Variants in UBE2W observed in about 807,000 individuals in gnomAD.
UBE2W encodes ubiquitin-conjugating enzyme E2 W.
UBE2W carries 18 observed loss-of-function variants against 27.2 expected under a neutral mutation model. The observed-to-expected ratio is 0.66, with a 90% CI of 0.46 to 0.98. The LOEUF (loss-of-function observed/expected upper bound fraction) is 0.98, where lower values mean the gene tolerates loss of function less well. Ranked by LOEUF, UBE2W falls within the 50% of genes least tolerant of loss-of-function variation. The probability of loss-of-function intolerance (pLI) is 0.00; values close to 1 mark genes in which losing one functional copy is unlikely to be tolerated. For missense variants in UBE2W, 90 were observed against 180.2 expected (o/e 0.50, Z 2.87); for synonymous variants, 53 against 57.2 (o/e 0.93, Z 0.33).
intron 5 of UBE2W, among the ~76,000 whole-genome samples, 179 bp downstream of exon 5, chr8:73,805,472 C>A (rs12680411): frequency 0.58 from 24,467 of 42,318 alleles, 7,868 homozygotes; most frequent in Middle Eastern, 0.76. Flanking sequence ...AAAAAAAAAA[C>A]AAAAAAAACT....
intron 1 of UBE2W, among the ~76,000 whole-genome samples, chr8:73,874,758 A>G (rs1812147594): frequency 6.6e-6 from 1 of 152,264 alleles, no homozygotes; most frequent in African/African-American, 2.4e-5. Context: ...CAAATATAAC[A>G]TTCTCTTAAT....
intron 1 of UBE2W, among the ~76,000 whole-genome samples, chr8:73,832,320 G>A (rs1249741284): frequency 3.3e-5 from 5 of 151,848 alleles, no homozygotes. Flanking sequence ...ACAAAAATTA[G>A]AAAAATCATA....
intron 1 of UBE2W, among the ~76,000 whole-genome samples, chr8:73,841,923 C>T (rs1455962266): frequency 6.6e-6 from 1 of 152,156 alleles, no homozygotes; most frequent in African/African-American, 2.4e-5. Context: ...AAAAAATTCT[C>T]CCCTGAAATT....
Position 73,790,114 on chromosome 8 carries a change from C to G in UBE2W, c.*3988G>C, listed in dbSNP as rs1463489948. On this transcript the variant is annotated 3_prime_UTR_variant, in exon 6 of 6. Coordinates refer to ENST00000602593, the MANE Select transcript of UBE2W (RefSeq NM_018299.6). Reference sequence around the variant, plus strand: ...TCCATGTATTTTATTTGTAGGAGAGCATTTTAAATTTTTCAAAAATTCATG... The same window carrying G: ...TCCATGTATTTTATTTGTAGGAGAGGATTTTAAATTTTTCAAAAATTCATG... The G allele has an allele frequency of 3.0e-6, 3 of 984,526 alleles. No homozygotes were observed. The African/African-American group carries it at 5.3e-5, about 17-fold the overall frequency. The allele number at this position is 984,526 out of a possible 1,614,324, so 61.0% of individuals were successfully genotyped here.
At chr8:73,845,417 G>C (rs554550501) in intron 1 of UBE2W, among the ~76,000 whole-genome samples, 1 of 152,038 alleles carries the variant, frequency 6.6e-6, no homozygotes, top group Non-Finnish European at 1.5e-5. Flanking sequence ...CCCCAACCCC[G>C]TGCTCTCTGA....
rs1808040820 is a variant in UBE2W at position 73,788,154 on chromosome 8, A to C, written c.*5948T>G. ...CCAATAACAACTGCTTTATTATTAAAAGTTATGAAATTCCATAAAGCAAAG... is the reference window on the plus strand; with the variant it reads ...CCAATAACAACTGCTTTATTATTAACAGTTATGAAATTCCATAAAGCAAAG... On this transcript the variant is annotated 3_prime_UTR_variant, in exon 6 of 6. Coordinates refer to ENST00000602593, the MANE Select transcript of UBE2W (RefSeq NM_018299.6). The C allele has an allele frequency of 1.0e-6, 1 of 978,932 alleles. No homozygotes were observed. Among genetic ancestry groups the C allele is most frequent in the East Asian group, 1.1e-4 (1 of 8,780 alleles). The allele number at this position is 978,932 out of a possible 1,614,324, so 60.6% of individuals were successfully genotyped here.
At position 73,787,913 on chromosome 8, in the gene UBE2W, C is replaced by T; in HGVS notation, c.*6189G>A. ...GGACTTATTAAAACACTAAAACTAG[C>T]TACATATTACATAAAGGTGATGTGT... On this transcript the variant is annotated 3_prime_UTR_variant, in exon 6 of 6. Coordinates refer to ENST00000602593, the MANE Select transcript of UBE2W (RefSeq NM_018299.6). 7 of 985,370 alleles carry T rather than the reference C, an allele frequency of 7.1e-6. No individual in the cohort carries two copies. The highest frequency in any genetic ancestry group is 8.4e-6 in the Non-Finnish European group (7 of 829,914). 61.0% of individuals were successfully genotyped at this position (985,370 alleles called of 1,614,324 possible). A position where few individuals can be genotyped will look rare whatever the true frequency, so the allele number is the denominator to read the frequency against.
chr8:73,854,130 C>T (rs1032927091), intron 1 of UBE2W, among the ~76,000 whole-genome samples: 2 of 151,954 alleles, frequency 1.3e-5, no homozygotes, highest in Admixed American at 1.3e-4. Context: ...GCATGGGTGA[C>T]AGCATGAAAC....
At chr8:73,854,043 G>A (rs1340997303) in intron 1 of UBE2W, among the ~76,000 whole-genome samples, 1 of 152,092 alleles carries the variant, frequency 6.6e-6, no homozygotes, top group Non-Finnish European at 1.5e-5. Flanking sequence ...CAGCTACTCA[G>A]GAGGCTGAGG....
chr8:73,877,457 A>C (rs540736091), intron 1 of UBE2W, among the ~76,000 whole-genome samples: 2 of 152,206 alleles, frequency 1.3e-5, no homozygotes, highest in Non-Finnish European at 2.9e-5. Flanking sequence ...AGAATATTGT[A>C]AGGAAAACAG....
intron 5 of UBE2W, among the ~76,000 whole-genome samples, chr8:73,801,819 A>T (rs1808657563): frequency 1.3e-5 from 2 of 152,234 alleles, no homozygotes. Flanking sequence ...ATAATCTCAG[A>T]AACAATAGTT....
At chr8:73,806,212 G>T (rs1427088246) in intron 4 of UBE2W, among the ~76,000 whole-genome samples, 1 of 152,012 alleles carries the variant, frequency 6.6e-6, no homozygotes, top group Non-Finnish European at 1.5e-5. Context: ...GGACTGATGA[G>T]AAAAGTCAAA....
Position 73,804,293 on chromosome 8 carries a change from A to C in UBE2W, c.442+1358T>G, listed in dbSNP as rs74330777. On this transcript the variant is annotated intron_variant, in intron 5 of 5. Transcript: ENST00000602593. ...AGGTTAACATTAAAAAAAAAAAAAA[A>C]CCCACACACATAAAAAACCCCAAAG... Among the ~76,000 whole-genome samples the C allele has an allele frequency of 3.2e-3, 482 of 150,314 alleles. 3 individuals are homozygous for C. The highest frequency in any genetic ancestry group is 0.01 in the African/African-American group (408 of 40,614).
At chr8:73,802,072 C>CT (rs1448994461) in intron 5 of UBE2W, among the ~76,000 whole-genome samples, 1 of 152,186 alleles carries the variant, frequency 6.6e-6, no homozygotes, top group Non-Finnish European at 1.5e-5. Flanking sequence ...CTGAATATTT[C>CT]ATAAATAAAA....
At chr8:73,811,115 T>C (rs1357031858) in intron 3 of UBE2W, among the ~76,000 whole-genome samples, 1 of 152,142 alleles carries the variant, frequency 6.6e-6, no homozygotes, top group Non-Finnish European at 1.5e-5. Flanking sequence ...GGGAAATGAC[T>C]GTTATATATT....
At chr8:73,836,319 T>C (rs1810306825) in intron 1 of UBE2W, among the ~76,000 whole-genome samples, 2 of 152,124 alleles carry the variant, frequency 1.3e-5, no homozygotes, top group Non-Finnish European at 1.5e-5. Flanking sequence ...TCCCCTGAAA[T>C]AGTGAGAGAG....
intron 5 of UBE2W, among the ~76,000 whole-genome samples, chr8:73,803,267 T>C (rs1412587110): frequency 7.2e-5 from 11 of 152,080 alleles, no homozygotes; most frequent in Non-Finnish European, 1.6e-4. Context: ...ACAAGAAATA[T>C]TTTATGCAGT....
intron 1 of UBE2W, among the ~76,000 whole-genome samples, chr8:73,856,357 A>ATTT (rs34593904): frequency 0.048 from 4,243 of 89,294 alleles, 205 homozygotes; most frequent in Middle Eastern, 0.075. Flanking sequence ...ACACTTATGA[A>ATTT]TTTTTTTTTT....
chr8:73,793,867 T>G lies in UBE2W; in HGVS notation c.*235A>C. 1 of 1,252,718 alleles carries G rather than the reference T, an allele frequency of 8.0e-7. No homozygotes were observed. Among genetic ancestry groups the G allele is most frequent in the Non-Finnish European group, 1.0e-6 (1 of 991,540 alleles). The allele number at this position is 1,252,718 out of a possible 1,614,324, so 77.6% of individuals were successfully genotyped here. ...ATAAAAAATGGAATTATATTTGACA[T>G]TTCCTGACACCTGCATTAATACTGT... On this transcript the variant is annotated 3_prime_UTR_variant, in exon 6 of 6. Coordinates refer to ENST00000602593, the MANE Select transcript of UBE2W (RefSeq NM_018299.6).
Sources: allele counts gnomAD v4.1 joint callset (sites outside exome capture counted in the v4.1 genomes callset), GRCh38; gene constraint gnomAD v4.1.1; transcripts MANE v1.5; gene names NCBI Gene and HGNC (gene_info 2026-07-23, HGNC 2026-07-21).